Variants in WWP1 observed in about 807,000 individuals in gnomAD.
WWP1 encodes WW domain containing E3 ubiquitin protein ligase 1.
In WWP1, 49 loss-of-function variants were observed where a neutral mutation model predicts 130.6. The ratio of observed to expected loss-of-function variants is 0.38; its 90% CI spans 0.30 to 0.48. The LOEUF (loss-of-function observed/expected upper bound fraction) is 0.48, where lower values mean the gene tolerates loss of function less well. Among genes scored for constraint, WWP1 ranks in the 20% least tolerant of loss-of-function variants. The pLI, the probability that WWP1 is intolerant of heterozygous loss-of-function variation, is 0.99. For synonymous variants in WWP1, 332 were observed against 367.8 expected, an observed-to-expected ratio of 0.90 and a Z score of 1.11; for missense variants, 809 against 1,100.6, an observed-to-expected ratio of 0.74 and a Z score of 3.75.
chr8:86,384,938 C>T lies in WWP1; in HGVS notation c.334+3309C>T, dbSNP rs184888475. On this transcript the variant is annotated intron_variant, in intron 5 of 24. Coordinates refer to ENST00000517970, the MANE Select transcript of WWP1 (RefSeq NM_007013.4). Reference sequence around the variant, plus strand: ...ACTTGGGAGGCTGAGGTGGGAGGATCGCTTGAGCCTGGGAGGTGGTGGTTG... The same window carrying T: ...ACTTGGGAGGCTGAGGTGGGAGGATTGCTTGAGCCTGGGAGGTGGTGGTTG... Among the ~76,000 whole-genome samples, 90 of 151,742 alleles carry T rather than the reference C, an allele frequency of 5.9e-4. No homozygotes were observed. The East Asian group carries it at 0.012, about 20-fold the overall frequency.
rs1812261634 is a variant in WWP1 at position 86,467,897 on chromosome 8, T to A, written c.*1004T>A. On this transcript the variant is annotated 3_prime_UTR_variant, in exon 25 of 25. Transcript: ENST00000517970. ...TTCTGTTAGTGTTTGAATATCTTCATTCCTCTCAAATTCATAACAGTTCTA... is the reference window on the plus strand; with the variant it reads ...TTCTGTTAGTGTTTGAATATCTTCAATCCTCTCAAATTCATAACAGTTCTA... 6.6e-6 allele frequency: 1 copy of A among 152,652 alleles called. No homozygotes were observed. Among genetic ancestry groups the A allele is most frequent in the African/African-American group, 2.4e-5 (1 of 41,470 alleles). The allele number at this position is 152,652 out of a possible 1,614,324, so 9.5% of individuals were successfully genotyped here. A position where few individuals can be genotyped will look rare whatever the true frequency, so the allele number is the denominator to read the frequency against.
At chr8:86,345,962 A>G (rs1054886328) in intron 1 of WWP1, among the ~76,000 whole-genome samples, 2 of 152,228 alleles carry the variant, frequency 1.3e-5, no homozygotes, top group Non-Finnish European at 2.9e-5. Context: ...ATTGTTGACA[A>G]TGATGGTGTT....
At chr8:86,396,203 A>G (rs1807653736) in intron 5 of WWP1, among the ~76,000 whole-genome samples, 1 of 152,038 alleles carries the variant, frequency 6.6e-6, no homozygotes. Flanking sequence ...AATTCAAGCA[A>G]TTCTCCTGCG....
intron 11 of WWP1, among the ~76,000 whole-genome samples, chr8:86,429,870 A>C (rs1809837449): frequency 6.6e-6 from 1 of 152,148 alleles, no homozygotes; most frequent in Admixed American, 6.5e-5. Flanking sequence ...AATTAATTTG[A>C]TAGTTGATAG....
Position 86,381,582 on chromosome 8 carries a change from A to G in WWP1, c.287A>G (p.Lys96Arg), listed in dbSNP as rs1476647899. ...TTAAAAGCAGATGCTTTATTAGGAA[A>G]AGCAACGATAGATTTGAAACAAGCT... Reference protein sequence around the residue: ...RTLKADALLGKATIDLKQALL... With the variant: ...RTLKADALLGRATIDLKQALL... The change falls in exon 5 of 25, where the codon AAA (lysine) becomes AGA (arginine). Residue 96 changes from lysine (K) to arginine (R), a missense_variant. By Grantham distance (26) the Lys-to-Arg change is conservative. This residue lies in a region of WWP1 where 262 missense variants were observed against 346.0 expected (regional missense o/e 0.76). Transcript: ENST00000517970. The G allele has an allele frequency of 1.2e-6, 2 of 1,609,986 alleles. No individual in the cohort carries two copies. The highest frequency in any genetic ancestry group is 1.7e-6 in the Non-Finnish European group (2 of 1,179,130).
intron 10 of WWP1, among the ~76,000 whole-genome samples, chr8:86,425,704 T>A (rs887918498): frequency 3.9e-5 from 6 of 152,220 alleles, no homozygotes; most frequent in African/African-American, 1.4e-4. Flanking sequence ...CCCAAATGAT[T>A]TAATGACTTA....
chr8:86,461,662 C>A (rs569276996), intron 23 of WWP1, 112 bp from the exon 24 acceptor site: 10 of 870,176 alleles, frequency 1.1e-5, no homozygotes, highest in South Asian at 3.2e-5. Flanking sequence ...TTGTGAATTT[C>A]TTTATTTTGT....
chr8:86,363,660 G>A (rs1823799127), intron 1 of WWP1, among the ~76,000 whole-genome samples: 1 of 151,790 alleles, frequency 6.6e-6, no homozygotes, highest in Non-Finnish European at 1.5e-5. Flanking sequence ...AAATTAGCCG[G>A]GTGTGGGCAC....
intron 9 of WWP1, among the ~76,000 whole-genome samples, chr8:86,420,323 C>A (rs566058469): frequency 2.6e-5 from 4 of 151,936 alleles, no homozygotes; most frequent in Non-Finnish European, 4.4e-5. Flanking sequence ...TGGGGTTTAA[C>A]GATAAGAATG....
chr8:86,402,324 C>T (rs1808036919), intron 8 of WWP1, 121 bp downstream of exon 8: 3 of 1,282,088 alleles, frequency 2.3e-6, no homozygotes, highest in Admixed American at 2.8e-5. Context: ...CTCGCTCTGT[C>T]ACCCAGGCTG....
At chr8:86,375,779 G>A (rs1563477305) in intron 3 of WWP1, among the ~76,000 whole-genome samples, 1 of 152,144 alleles carries the variant, frequency 6.6e-6, no homozygotes, top group Non-Finnish European at 1.5e-5. Context: ...AATAGGATAG[G>A]ATCCTAGAAT....
At chr8:86,464,560 T>C (rs1811935380) in intron 24 of WWP1, among the ~76,000 whole-genome samples, 1 of 152,120 alleles carries the variant, frequency 6.6e-6, no homozygotes, top group Non-Finnish European at 1.5e-5. Flanking sequence ...GTGTTACCTA[T>C]GTTAGAGTGC....
chr8:86,459,291 C>T (rs1261081065), intron 22 of WWP1, among the ~76,000 whole-genome samples: 2 of 151,524 alleles, frequency 1.3e-5, no homozygotes, highest in Non-Finnish European at 2.9e-5. Context: ...CTGCCTTGGC[C>T]TCCTGAAGTG....
At chr8:86,397,361 G>A (rs1807734825) in intron 5 of WWP1, among the ~76,000 whole-genome samples, 4 of 151,946 alleles carry the variant, frequency 2.6e-5, no homozygotes, top group Admixed American at 2.6e-4. Context: ...TATATTTATG[G>A]GGTATGGAGT....
intron 9 of WWP1, among the ~76,000 whole-genome samples, chr8:86,422,194 C>T (rs1809255573): frequency 6.6e-6 from 1 of 152,072 alleles, no homozygotes; most frequent in African/African-American, 2.4e-5. Context: ...CCCAGGAATA[C>T]TCTCTCATGT....
intron 1 of WWP1, among the ~76,000 whole-genome samples, chr8:86,350,954 A>G (rs1041932179): frequency 4.6e-5 from 7 of 152,198 alleles, no homozygotes; most frequent in South Asian, 2.1e-4. Context: ...TTAGAAGTAA[A>G]CAAACTAGAT....
intron 3 of WWP1, among the ~76,000 whole-genome samples, chr8:86,378,763 A>G (rs1428909257): frequency 1.3e-5 from 2 of 152,144 alleles, no homozygotes; most frequent in Non-Finnish European, 2.9e-5. Context: ...TATTTTGCCA[A>G]GTAAGGGTAT....
rs76642955 is a variant in WWP1 at position 86,433,958 on chromosome 8, A to G, written c.1602-1494A>G. On this transcript the variant is annotated intron_variant, in intron 14 of 24. Coordinates refer to ENST00000517970, the MANE Select transcript of WWP1 (RefSeq NM_007013.4). ...ATGTAGAATCATCCACAACTCCTCT[A>G]TCTCTCCTACCTTACAAACAGTCCA... is the stretch of plus-strand genomic sequence containing the variant. Among the ~76,000 whole-genome samples, 811 of 152,110 alleles carry G rather than the reference A, an allele frequency of 5.3e-3. 30 individuals carry two copies. In the East Asian group the frequency reaches 0.083, roughly 16 times the overall value.
chr8:86,414,890 T>TTAC (rs1808800835), intron 9 of WWP1, among the ~76,000 whole-genome samples: 1 of 94,814 alleles, frequency 1.1e-5, no homozygotes, highest in Non-Finnish European at 2.0e-5. Context: ...CCCCCCCCCA[T>TTAC]CCCCCCACCC....
Sources: allele counts gnomAD v4.1 joint callset (sites outside exome capture counted in the v4.1 genomes callset), GRCh38; gene constraint gnomAD v4.1.1; regional missense constraint gnomAD v4.1.1; transcripts MANE v1.5; gene names NCBI Gene and HGNC (gene_info 2026-07-23, HGNC 2026-07-21).